The following DNAH12 variants were observed in gnomAD, a reference collection of about 807,000 sequenced individuals.
The protein encoded by DNAH12 is dynein axonemal heavy chain 12.
DNAH12 carries 285 observed loss-of-function variants against 371.5 expected under a neutral mutation model. The ratio of observed to expected loss-of-function variants is 0.77; its 90% confidence interval spans 0.70 to 0.85. The LOEUF (loss-of-function observed/expected upper bound fraction) is 0.85. Among genes scored for constraint, DNAH12 ranks in the 40% least tolerant of loss-of-function variants. The pLI is 0.00. For missense variants in DNAH12, 3,611 were observed against 3,689.4 expected (o/e 0.98, Z 0.55); for synonymous variants, 1,200 against 1,213.0 (o/e 0.99, Z 0.22).
chr3:57,366,670 T>C (rs1466130723), intron 57 of DNAH12, 59 bp downstream of exon 57: 12 of 152,346 alleles, frequency 7.9e-5, no homozygotes, highest in Middle Eastern at 6.8e-3. Flanking sequence ...AACATAAATA[T>C]TAATGACCTA....
chr3:57,542,685 C>G lies in DNAH12; in HGVS notation c.170+16G>C, dbSNP rs189921094. On this transcript the variant is annotated intron_variant, in intron 2 of 73. Transcript: ENST00000495027. Reference sequence around the variant, plus strand: ...TTGAATTCCAAGCAAGAATTATCTACTAATATGCTACTTACACTAACTGAT... The same window carrying G: ...TTGAATTCCAAGCAAGAATTATCTAGTAATATGCTACTTACACTAACTGAT... 1.2e-4 allele frequency: 183 copies of G among 1,550,750 alleles called. 1 individual carries two copies. The African/African-American group carries it at 1.8e-3, about 16-fold the overall frequency.
intron 62 of DNAH12, among the ~76,000 whole-genome samples, chr3:57,324,317 T>G (rs906948480): frequency 6.6e-5 from 10 of 152,124 alleles, no homozygotes; most frequent in African/African-American, 2.4e-4. Context: ...ACGCTAATAC[T>G]CATAATAAGA....
intron 4 of DNAH12, among the ~76,000 whole-genome samples, chr3:57,513,002 G>A (rs2068053298): frequency 6.6e-6 from 1 of 152,078 alleles, no homozygotes; most frequent in Non-Finnish European, 1.5e-5. Context: ...AGCCAGGCGT[G>A]GTGGCAGGCA....
At chr3:57,532,826 C>A (rs914958514) in intron 2 of DNAH12, among the ~76,000 whole-genome samples, 3 of 152,148 alleles carry the variant, frequency 2.0e-5, no homozygotes, top group African/African-American at 7.2e-5. Flanking sequence ...CCCACTGTAT[C>A]CACTACCTGG....
At chr3:57,409,999 G>T (rs1212511198) in intron 39 of DNAH12, among the ~76,000 whole-genome samples, 1 of 152,060 alleles carries the variant, frequency 6.6e-6, no homozygotes, top group Non-Finnish European at 1.5e-5. Context: ...GAAAAATAGG[G>T]TGCTGATTAT....
chr3:57,393,650 AAG>A (rs2063676014), intron 44 of DNAH12, among the ~76,000 whole-genome samples: 2 of 140,860 alleles, frequency 1.4e-5, no homozygotes, highest in African/African-American at 5.9e-5. Context: ...AAAAAAAAAA[AAG>A]AAAGAAAGAA....
chr3:57,355,621 C>T (rs1253674259), intron 59 of DNAH12, among the ~76,000 whole-genome samples: 2 of 152,052 alleles, frequency 1.3e-5, no homozygotes, highest in African/African-American at 4.8e-5. Flanking sequence ...AAGTGGCCAC[C>T]TTATTTTAAA....
intron 60 of DNAH12, among the ~76,000 whole-genome samples, chr3:57,338,736 C>T (rs1250958380): frequency 4.0e-5 from 6 of 150,794 alleles, no homozygotes; most frequent in East Asian, 2.0e-4. Flanking sequence ...CGCCTCTGCC[C>T]GGCCACCCAT....
At chr3:57,448,417 T>G (rs1246426187) in intron 25 of DNAH12, among the ~76,000 whole-genome samples, 1 of 151,730 alleles carries the variant, frequency 6.6e-6, no homozygotes, top group Non-Finnish European at 1.5e-5. Flanking sequence ...TCGCCCTGAG[T>G]GTTAAAGCTC....
At chr3:57,474,471 T>C (rs533896005) in intron 13 of DNAH12, among the ~76,000 whole-genome samples, 1 of 152,124 alleles carries the variant, frequency 6.6e-6, no homozygotes, top group South Asian at 2.1e-4. Context: ...TAACTTTTTG[T>C]GTTTAGCAGA....
intron 39 of DNAH12, 87 bp downstream of exon 39, chr3:57,413,659 T>C (rs1274192898): frequency 1.7e-5 from 23 of 1,365,622 alleles, no homozygotes; most frequent in Non-Finnish European, 2.3e-5. Context: ...TCCCTAAATA[T>C]CTTGAAAAAT....
chr3:57,389,597 A>G (rs1474789418), intron 45 of DNAH12, among the ~76,000 whole-genome samples: 4 of 151,878 alleles, frequency 2.6e-5, no homozygotes, highest in African/African-American at 4.8e-5. Context: ...TCAAGCAACA[A>G]GATTGAGAGA....
At chr3:57,369,322 T>C (rs1260337431) in intron 55 of DNAH12, among the ~76,000 whole-genome samples, 7 of 141,160 alleles carry the variant, frequency 5.0e-5, no homozygotes, top group Non-Finnish European at 9.2e-5. Context: ...AAATTATATA[T>C]ATTTAATATT....
rs542302511 is a variant in DNAH12 at position 57,322,406 on chromosome 3, T to C, written c.10461A>G (p.Gln3487=). Residue 3487 remains glutamine (Q), a synonymous_variant, in exon 65 of 74, where the codon CAA becomes CAG. Coordinates refer to ENST00000495027, the MANE Select transcript of DNAH12 (RefSeq NM_001366028.2). ...PPTGLRLNLL[Q]SYLTDPVSDP... The stretch of plus-strand genomic sequence containing the variant: ...CAGAAACTGGATCAGTGAGATATGA[T>C]TGAAGGAGATTCAGCCGAAGACCCG... 89 of 1,552,014 alleles carry C rather than the reference T, an allele frequency of 5.7e-5. No homozygotes were observed. Among genetic ancestry groups the C allele is most frequent in the South Asian group, 2.9e-4 (24 of 84,060 alleles).
intron 2 of DNAH12, among the ~76,000 whole-genome samples, chr3:57,531,691 A>G (rs2068853812): frequency 7.1e-6 from 1 of 139,986 alleles, no homozygotes; most frequent in Non-Finnish European, 1.5e-5. Context: ...TGAACCCAGG[A>G]GGCTGAGGTT....
chr3:57,555,761 G>T, the DNAH12 span, among the ~76,000 whole-genome samples: 1 of 152,246 alleles, frequency 6.6e-6, no homozygotes, highest in Non-Finnish European at 1.5e-5. Flanking sequence ...TATATCGTTC[G>T]TTGTTAACTA....
chr3:57,499,673 T>TATATATATATACACACAC (rs771112538), intron 11 of DNAH12, among the ~76,000 whole-genome samples: 14 of 44,450 alleles, frequency 3.1e-4, no homozygotes, highest in Admixed American at 2.8e-4. Flanking sequence ...TATATATATA[T>TATATATATATACACACAC]ATACTTCTTA....
intron 43 of DNAH12, among the ~76,000 whole-genome samples, chr3:57,399,835 G>T (rs1015301365): frequency 1.3e-5 from 2 of 152,130 alleles, no homozygotes; most frequent in Non-Finnish European, 2.9e-5. Flanking sequence ...TCTTCCTTAG[G>T]ATTTTTTAAG....
chr3:57,431,826 C>T (rs774558092), intron 32 of DNAH12, among the ~76,000 whole-genome samples: 17 of 152,150 alleles, frequency 1.1e-4, no homozygotes, highest in Non-Finnish European at 1.5e-4. Context: ...TTCCCATCTT[C>T]CACAAAGGCT....
Sources: gnomAD v4.1 joint callset for allele counts (sites outside exome capture counted in the v4.1 genomes callset) on GRCh38, gnomAD v4.1.1 for gene constraint, MANE v1.5 for transcripts, NCBI Gene and HGNC (gene_info 2026-07-23, HGNC 2026-07-21) for gene names.